Variants in XCR1 observed in about 807,000 individuals in gnomAD.
The protein encoded by XCR1 is X-C motif chemokine receptor 1, also known as chemokine XC receptor 1.
For missense variants in XCR1, 356 were observed against 424.2 expected, an observed-to-expected ratio of 0.84 and a Z score of 1.41; for synonymous variants, 187 against 188.5, an observed-to-expected ratio of 0.99 and a Z score of 0.06.
At chr3:46,029,626 T>C (rs1423245128), upstream of XCR1, among the ~76,000 whole-genome samples, 1 of 152,144 alleles carries the variant, frequency 6.6e-6, no homozygotes, top group Non-Finnish European at 1.5e-5. Flanking sequence ...AAAAATTAAC[T>C]CAAAATGGAT....
At chr3:46,025,161 A>T (rs1022210573) in intron 1 of XCR1, among the ~76,000 whole-genome samples, 1 of 152,200 alleles carries the variant, frequency 6.6e-6, no homozygotes, top group African/African-American at 2.4e-5. Context: ...GAAGGAAGGC[A>T]TTAATAAAAA....
intron 1 of XCR1, among the ~76,000 whole-genome samples, chr3:46,083,926 C>T (rs1013183922): frequency 6.6e-6 from 1 of 152,126 alleles, no homozygotes; most frequent in African/African-American, 2.4e-5. Flanking sequence ...GACTAGATTC[C>T]TTTTTCATTC....
At chr3:46,032,540 G>A (rs1021810812) in intron 5 of XCR1, among the ~76,000 whole-genome samples, 2 of 152,218 alleles carry the variant, frequency 1.3e-5, no homozygotes, top group Non-Finnish European at 2.9e-5. Flanking sequence ...GGTAGTGTGA[G>A]CCTAGTGCAG....
intron 1 of XCR1, among the ~76,000 whole-genome samples, chr3:46,022,453 C>T (rs1450270296): frequency 6.6e-6 from 1 of 152,208 alleles, no homozygotes; most frequent in Admixed American, 6.5e-5. Context: ...CAAAATATTC[C>T]TATCTGTCAT....
At chr3:46,081,007 A>T (rs1290312689) in intron 1 of XCR1, among the ~76,000 whole-genome samples, 1 of 152,132 alleles carries the variant, frequency 6.6e-6, no homozygotes, top group Non-Finnish European at 1.5e-5. Flanking sequence ...TCTGGTGCTA[A>T]TTTATGTGTT....
In XCR1 at chr3:46,021,401, A is replaced by G; in HGVS notation, c.547T>C (p.Tyr183His). The G allele has an allele frequency of 6.2e-7, 1 of 1,614,148 alleles. No individual in the cohort carries two copies. ...TTGTGCTGGTAGACGGAGGTGAGGT[A>G]CCACGTGAGTTCGGAATAATCACAG... is the stretch of plus-strand genomic sequence containing the variant. ...SGCDYSELTWYLTSVYQHNLF... is the reference protein window; with the variant it reads ...SGCDYSELTWHLTSVYQHNLF... The change falls in exon 2 of 2, where the codon TAC (tyrosine) becomes CAC (histidine). Residue 183 changes from tyrosine to histidine, a missense_variant. Transcript: ENST00000309285. This position sits in a 1 kb window ranked among gnomAD's most constrained non-coding sequence, Gnocchi z 4.7.
chr3:46,045,944 G>C (rs907615744), intron 5 of XCR1, among the ~76,000 whole-genome samples: 19 of 152,114 alleles, frequency 1.2e-4, no homozygotes, highest in Non-Finnish European at 8.8e-5. Flanking sequence ...TATTCACAAA[G>C]GCAAAGATAT....
At chr3:46,037,863 T>C (rs990612416) in intron 5 of XCR1, among the ~76,000 whole-genome samples, 1 of 152,310 alleles carries the variant, frequency 6.6e-6, no homozygotes, top group Admixed American at 6.5e-5. Flanking sequence ...CTTCACAGTA[T>C]ATTTGCTATT....
chr3:46,052,381 A>AG (rs560776101), intron 5 of XCR1, among the ~76,000 whole-genome samples: 1 of 152,100 alleles, frequency 6.6e-6, no homozygotes, highest in Non-Finnish European at 1.5e-5. Flanking sequence ...ATTTCCCAAC[A>AG]GGGGGGTGCC....
upstream of XCR1, among the ~76,000 whole-genome samples, chr3:46,031,705 G>C (rs934744462): frequency 2.6e-5 from 4 of 152,224 alleles, no homozygotes; most frequent in Non-Finnish European, 4.4e-5. Flanking sequence ...CGAACCACAG[G>C]GGGACCTTTT....
chr3:46,063,691 C>T (rs1256953846), intron 4 of XCR1, among the ~76,000 whole-genome samples: 1 of 152,222 alleles, frequency 6.6e-6, no homozygotes, highest in East Asian at 1.9e-4. Context: ...GCCCACTGCA[C>T]TGTGGGGCAC....
At chr3:46,030,052 G>GTT (rs1427897903), upstream of XCR1, among the ~76,000 whole-genome samples, 1 of 140,810 alleles carries the variant, frequency 7.1e-6, no homozygotes, top group African/African-American at 2.7e-5. Context: ...TTTTGTTTTT[G>GTT]TTTTTGTTTT....
intron 4 of XCR1, among the ~76,000 whole-genome samples, chr3:46,054,545 A>AT (rs1336293522): frequency 8.7e-5 from 12 of 138,006 alleles, no homozygotes; most frequent in African/African-American, 3.9e-4. Context: ...ACTCAAAAGG[A>AT]CGAGGGGGGG....
At chr3:46,044,114 G>A (rs1439460420) in intron 5 of XCR1, among the ~76,000 whole-genome samples, 1 of 152,136 alleles carries the variant, frequency 6.6e-6, no homozygotes, top group Non-Finnish European at 1.5e-5. Context: ...CCCTGCCTCA[G>A]CCTCCCAGGT....
In XCR1 at chr3:46,023,862, T is replaced by C; in HGVS notation, c.-31-1884A>G. ...GTGTGGAATTCCTTGTGGCTGAGAATGAAAGATTAAGGAAAGAAAATAACT... is the reference window on the plus strand; with the variant it reads ...GTGTGGAATTCCTTGTGGCTGAGAACGAAAGATTAAGGAAAGAAAATAACT... On this transcript the variant is annotated intron_variant, in intron 1 of 1. Coordinates refer to ENST00000309285, the MANE Select transcript of XCR1 (RefSeq NM_001024644.2). The C allele has an allele frequency of 3.3e-6, 5 of 1,530,166 alleles. No homozygotes were observed. In the South Asian group the frequency reaches 5.6e-5, roughly 17 times the overall value. The allele number at this position is 1,530,166 out of a possible 1,614,324, so 94.8% of individuals were successfully genotyped here.
At chr3:46,062,049 C>A (rs1697973025) in intron 4 of XCR1, among the ~76,000 whole-genome samples, 1 of 152,102 alleles carries the variant, frequency 6.6e-6, no homozygotes, top group African/African-American at 2.4e-5. Flanking sequence ...AGCCAGACTC[C>A]AATTTGGACA....
intron 5 of XCR1, among the ~76,000 whole-genome samples, chr3:46,039,110 A>C (rs1373380591): frequency 2.0e-5 from 3 of 151,798 alleles, no homozygotes; most frequent in Non-Finnish European, 4.4e-5. Flanking sequence ...TTTGTGGTGA[A>C]AGTTACCTAA....
chr3:46,031,505 G>T (rs548451511), upstream of XCR1, among the ~76,000 whole-genome samples: 1 of 152,354 alleles, frequency 6.6e-6, no homozygotes, highest in Non-Finnish European at 1.5e-5. Context: ...ACAGGAGGAA[G>T]GCTGAGGAGG....
intron 1 of XCR1, among the ~76,000 whole-genome samples, chr3:46,084,865 T>C (rs1214896003): frequency 6.6e-6 from 1 of 152,202 alleles, no homozygotes; most frequent in African/African-American, 2.4e-5. Context: ...ACCTGGGCGA[T>C]GGCATCAGTC....
Sources: allele counts gnomAD v4.1 joint callset (sites outside exome capture counted in the v4.1 genomes callset), GRCh38; gene constraint gnomAD v4.1.1; non-coding constraint Gnocchi (gnomAD v3.1); transcripts MANE v1.5; gene names NCBI Gene and HGNC (gene_info 2026-07-23, HGNC 2026-07-21).